Variants in MYO18B observed in about 807,000 individuals in gnomAD.
The protein encoded by MYO18B is myosin XVIIIB.
MYO18B carries 204 observed loss-of-function variants against 273.0 expected under a neutral mutation model. That is an observed-to-expected ratio of 0.75 (90% confidence interval 0.67 to 0.84). MYO18B has a LOEUF of 0.84. Among genes scored for constraint, MYO18B ranks in the 40% least tolerant of loss-of-function variants. MYO18B has a pLI of 0.00. For missense variants in MYO18B, 3,212 were observed against 3,287.6 expected (o/e 0.98, Z 0.56); for synonymous variants, 1,330 against 1,305.7 (o/e 1.02, Z -0.40).
chr22:25,780,030 A>C, intron 8 of MYO18B, 26 bp from the exon 9 acceptor site: 1 of 1,557,720 alleles, frequency 6.4e-7, no homozygotes, highest in Non-Finnish European at 8.7e-7. Flanking sequence ...CATCAGTGAC[A>C]TGTGGCCCCA....
At chr22:25,927,663 C>T (rs576843714) in intron 34 of MYO18B, among the ~76,000 whole-genome samples, 2 of 152,136 alleles carry the variant, frequency 1.3e-5, no homozygotes, top group Non-Finnish European at 2.9e-5. Context: ...CACCTATTCG[C>T]GTACTCCCTC....
chr22:26,026,997 C>T lies in MYO18B; in HGVS notation c.7023C>T (p.Pro2341=), dbSNP rs376458357. 52 of 1,613,772 alleles carry T rather than the reference C, an allele frequency of 3.2e-5. No individual in the cohort carries two copies. In the Middle Eastern group the frequency reaches 6.6e-4, roughly 20 times the overall value. The part of the protein sequence containing the change: ...SDGVGGTTLL[P]EKSKTQFSSC... ...GTGTTGGGGGCACAACCCTACTCCC[C>T]GAAAAGTCGAAAACCCAATTCAGTT... Residue 2341 remains proline, a synonymous_variant, in exon 43 of 44, where the codon CCC becomes CCT. Coordinates refer to ENST00000335473, the MANE Select transcript of MYO18B (RefSeq NM_032608.7).
At chr22:25,795,457 C>T (rs1352706892) in intron 11 of MYO18B, among the ~76,000 whole-genome samples, 4 of 152,152 alleles carry the variant, frequency 2.6e-5, no homozygotes, top group Admixed American at 2.0e-4. Flanking sequence ...TCTCATTCTT[C>T]TCTTCACACA....
intron 40 of MYO18B, among the ~76,000 whole-genome samples, chr22:25,994,974 G>A (rs887715064): frequency 2.0e-5 from 3 of 151,260 alleles, no homozygotes; most frequent in South Asian, 2.1e-4. Flanking sequence ...GGAAGGAGGC[G>A]GAGGGTCCAT....
chr22:25,966,849 C>T (rs1274465630), intron 39 of MYO18B, among the ~76,000 whole-genome samples: 1 of 152,220 alleles, frequency 6.6e-6, no homozygotes, highest in Non-Finnish European at 1.5e-5. Context: ...GTCTTTATCT[C>T]ACATGGTGAA....
chr22:25,774,095 T>G (rs1376881544), intron 7 of MYO18B, among the ~76,000 whole-genome samples: 2 of 152,174 alleles, frequency 1.3e-5, no homozygotes, highest in South Asian at 4.1e-4. Flanking sequence ...ATCTTGCCCT[T>G]TGGGGCCCTG....
intron 42 of MYO18B, 127 bp downstream of exon 42, chr22:26,004,982 G>C (rs1934308292): frequency 2.4e-6 from 3 of 1,237,832 alleles, no homozygotes; most frequent in Admixed American, 2.0e-5. Flanking sequence ...TGAAAGTCTG[G>C]GGTATAACTC....
chr22:25,961,947 C>T (rs941788189), intron 39 of MYO18B, among the ~76,000 whole-genome samples: 36 of 152,186 alleles, frequency 2.4e-4, no homozygotes, highest in African/African-American at 8.2e-4. Flanking sequence ...CTGCTCTTGC[C>T]GTATGATCTC....
intron 15 of MYO18B, 54 bp from the exon 16 acceptor site, chr22:25,832,863 C>T (rs775736070): frequency 2.8e-5 from 41 of 1,470,324 alleles, no homozygotes; most frequent in Non-Finnish European, 3.9e-5. Flanking sequence ...CAGAAGTTTT[C>T]TTCCCCCTTC....
At chr22:25,748,856 G>A (rs1463603071) in intron 1 of MYO18B, among the ~76,000 whole-genome samples, 1 of 152,216 alleles carries the variant, frequency 6.6e-6, no homozygotes, top group Non-Finnish European at 1.5e-5. Flanking sequence ...GAGAGGATCT[G>A]TGTGCTGGGC....
intron 42 of MYO18B, among the ~76,000 whole-genome samples, chr22:26,012,347 T>C (rs1357919821): frequency 1.3e-5 from 2 of 152,258 alleles, no homozygotes; most frequent in South Asian, 2.1e-4. Flanking sequence ...TATTTACTGG[T>C]CTCGGCATTC....
At chr22:25,906,742 C>T (rs1025249721) in intron 31 of MYO18B, among the ~76,000 whole-genome samples, 2 of 152,014 alleles carry the variant, frequency 1.3e-5, no homozygotes, top group African/African-American at 4.8e-5. Context: ...CTTACAGTCA[C>T]GGTGGAAGGG....
intron 21 of MYO18B, among the ~76,000 whole-genome samples, chr22:25,860,302 A>AT (rs11335073): frequency 2.0e-5 from 3 of 151,638 alleles, no homozygotes; most frequent in African/African-American, 7.3e-5. Context: ...GATTTCACTG[A>AT]TTTTTTTTCT....
At chr22:25,769,497 A>T (rs978145036) in intron 4 of MYO18B, 69 bp downstream of exon 4, 3 of 1,361,886 alleles carry the variant, frequency 2.2e-6, no homozygotes, top group Non-Finnish European at 2.9e-6. Flanking sequence ...GGGATGGGAA[A>T]GATCTGCCCC....
chr22:25,988,885 A>G (rs1048890715), intron 39 of MYO18B, among the ~76,000 whole-genome samples: 24 of 152,326 alleles, frequency 1.6e-4, no homozygotes, highest in African/African-American at 5.5e-4. Context: ...TCACACAGCC[A>G]GTGAGCAGCA....
chr22:25,811,225 G>A lies in MYO18B; in HGVS notation c.2522-12280G>A, dbSNP rs182276053. 3.4e-3 allele frequency among the ~76,000 whole-genome samples: 512 copies of A among 149,318 alleles called. 2 individuals carry two copies. Among genetic ancestry groups the A allele is most frequent in the African/African-American group, 0.012 (480 of 40,462 alleles). On this transcript the variant is annotated intron_variant, in intron 12 of 43. Coordinates refer to ENST00000335473, the MANE Select transcript of MYO18B (RefSeq NM_032608.7). ...TTTAGTAGAGATGTGGTTTCACCAT[G>A]TTGGTCAGGTTGGTCTTGAACTCCT...
At chr22:25,872,163 C>A (rs2091065468) in intron 22 of MYO18B, among the ~76,000 whole-genome samples, 1 of 152,010 alleles carries the variant, frequency 6.6e-6, no homozygotes, top group Non-Finnish European at 1.5e-5. Context: ...GAGTTAGTAC[C>A]AACTGGGCAT....
rs541802334 is a variant in MYO18B, at chr22:25,850,670, T to C, written c.3776-800T>C. On this transcript the variant is annotated intron_variant, in intron 20 of 43. Coordinates refer to ENST00000335473, the MANE Select transcript of MYO18B (RefSeq NM_032608.7). ...GTGGCTTGCTGCAACCTCTGCCTCC[T>C]GGGCTCAAGTAATTCTCCCACCTCC... Among the ~76,000 whole-genome samples, 9 of 152,278 alleles carry C rather than the reference T, an allele frequency of 5.9e-5. No homozygotes were observed. The South Asian group carries it at 1.4e-3, about 25-fold the overall frequency.
intron 22 of MYO18B, among the ~76,000 whole-genome samples, chr22:25,871,760 G>C (rs994895906): frequency 6.6e-6 from 1 of 152,032 alleles, no homozygotes; most frequent in African/African-American, 2.4e-5. Context: ...TCGGCCTTCT[G>C]GTCGGCAATA....
Sources: gnomAD v4.1 joint callset for allele counts (sites outside exome capture counted in the v4.1 genomes callset) on GRCh38, gnomAD v4.1.1 for gene constraint, MANE v1.5 for transcripts, NCBI Gene and HGNC (gene_info 2026-07-23, HGNC 2026-07-21) for gene names.